HECW1: variants seen among roughly 807,000 people sequenced by gnomAD.
HECW1 encodes HECT, C2 and WW domain containing E3 ubiquitin protein ligase 1.
Under a neutral mutation model 182.3 loss-of-function variants are expected in HECW1, and 61 were observed. The ratio of observed to expected loss-of-function variants is 0.33; its 90% CI spans 0.27 to 0.41. The LOEUF (loss-of-function observed/expected upper bound fraction) is 0.41. Ranked by LOEUF, HECW1 falls within the 10% of genes least tolerant of loss-of-function variation. The pLI is 1.00. For synonymous variants in HECW1, 859 were observed against 832.6 expected (o/e 1.03, Z -0.55); for missense variants, 1,739 against 2,108.9 (o/e 0.82, Z 3.44).
chr7:43,276,018 A>G (rs1404512340), intron 3 of HECW1, among the ~76,000 whole-genome samples: 2 of 152,196 alleles, frequency 1.3e-5, no homozygotes, highest in African/African-American at 4.8e-5. Context: ...AGGTTTAAGG[A>G]ATAAGGAGGT....
At chr7:43,366,676 A>G (rs1346344691) in intron 6 of HECW1, among the ~76,000 whole-genome samples, 1 of 152,210 alleles carries the variant, frequency 6.6e-6, no homozygotes, top group African/African-American at 2.4e-5. Flanking sequence ...CCAGGTTCCA[A>G]TAAACATCAA....
intron 26 of HECW1, among the ~76,000 whole-genome samples, chr7:43,549,511 G>A (rs2081711792): frequency 6.6e-6 from 1 of 152,166 alleles, no homozygotes; most frequent in Non-Finnish European, 1.5e-5. Flanking sequence ...AATTTAAGAT[G>A]ACTGAAGATT....
intron 2 of HECW1, among the ~76,000 whole-genome samples, chr7:43,195,595 T>C (rs1314222834): frequency 6.6e-6 from 1 of 152,052 alleles, no homozygotes; most frequent in African/African-American, 2.4e-5. Context: ...TGGGCTGGGG[T>C]CGGTCCCCAA....
At chr7:43,351,185 G>A (rs1367213083) in intron 5 of HECW1, among the ~76,000 whole-genome samples, 1 of 152,144 alleles carries the variant, frequency 6.6e-6, no homozygotes, top group Non-Finnish European at 1.5e-5. Flanking sequence ...GCTGTTACTG[G>A]GGGTTATCTG....
Position 43,445,210 on chromosome 7 carries a change from C to A in HECW1, c.2038C>A (p.Pro680Thr), listed in dbSNP as rs1554419233. 6 of 1,613,434 alleles carry A rather than the reference C, an allele frequency of 3.7e-6. No individual in the cohort carries two copies. The highest frequency in any genetic ancestry group is 4.2e-6 in the Non-Finnish European group (5 of 1,179,906). Residue 680 changes from proline to threonine, a missense_variant, in exon 11 of 30, where the codon CCC becomes ACC. Physicochemically the swap from Pro to Thr is conservative, Grantham distance 38 (BLOSUM62 -1). Coordinates refer to ENST00000395891, the MANE Select transcript of HECW1 (RefSeq NM_015052.5). ...GGGCTGTGACGCGTCCTGCTGCAGC[C>A]CCTCGTGCTACAGCTCCTCGTGCTA... The part of the protein sequence containing the change: ...CEGCDASCCS[P>T]SCYSSSCYST...
chr7:43,196,445 G>A (rs764993981), intron 2 of HECW1, among the ~76,000 whole-genome samples: 5 of 152,114 alleles, frequency 3.3e-5, no homozygotes, highest in Admixed American at 6.5e-5. Context: ...CAATTGTTCC[G>A]TTTTGCATAA....
chr7:43,533,454 CT>C (rs2081066514), intron 24 of HECW1, among the ~76,000 whole-genome samples: 2 of 152,134 alleles, frequency 1.3e-5, no homozygotes, highest in Non-Finnish European at 2.9e-5. Context: ...AGAGTCATGG[CT>C]TGGGAAACAG....
intron 8 of HECW1, among the ~76,000 whole-genome samples, chr7:43,428,144 C>T (rs2076420878): frequency 6.6e-6 from 1 of 152,178 alleles, no homozygotes; most frequent in East Asian, 1.9e-4. Context: ...CAGTGCCAAC[C>T]CCACACCAGA....
Position 43,233,640 on chromosome 7 carries a change from C to T in HECW1, c.-31-10235C>T, listed in dbSNP as rs552652278. 3.3e-5 allele frequency among the ~76,000 whole-genome samples: 5 copies of T among 152,284 alleles called. No homozygotes were observed. The South Asian group carries it at 8.3e-4, about 25-fold the overall frequency. ...TTTTGTGGAAGCTAGAAATAGGGAT[C>T]GGTATATCTGACTCCACAACTGATT... On this transcript the variant is annotated intron_variant, in intron 2 of 29. Transcript: ENST00000395891.
intron 16 of HECW1, among the ~76,000 whole-genome samples, chr7:43,477,953 C>T (rs1337635405): frequency 6.6e-6 from 1 of 151,740 alleles, no homozygotes; most frequent in Non-Finnish European, 1.5e-5. Flanking sequence ...CCAAATGTTA[C>T]TGTTGGTTGA....
At chr7:43,118,424 G>A (rs1036106994) in intron 2 of HECW1, 2 of 152,586 alleles carry the variant, frequency 1.3e-5, no homozygotes. Context: ...TCTAGGTTAA[G>A]GGGGGAAAAG....
intron 3 of HECW1, among the ~76,000 whole-genome samples, chr7:43,306,978 T>C (rs544890882): frequency 1.3e-5 from 2 of 152,300 alleles, no homozygotes; most frequent in Admixed American, 1.3e-4. Flanking sequence ...AGCACATCAC[T>C]TAATTCAAAA....
chr7:43,135,457 G>T (rs954640717), intron 2 of HECW1, among the ~76,000 whole-genome samples: 20 of 152,168 alleles, frequency 1.3e-4, no homozygotes, highest in Non-Finnish European at 2.9e-4. Context: ...ACAGTCTGGG[G>T]TTCTTAGAAT....
At chr7:43,498,764 T>TCAGA (rs1413151604) in intron 19 of HECW1, among the ~76,000 whole-genome samples, 2 of 152,114 alleles carry the variant, frequency 1.3e-5, no homozygotes, top group Non-Finnish European at 2.9e-5. Context: ...TGAAGTTGGA[T>TCAGA]CAGAGTGCAT....
At chr7:43,325,909 A>G (rs1810713579) in intron 5 of HECW1, among the ~76,000 whole-genome samples, 1 of 152,006 alleles carries the variant, frequency 6.6e-6, no homozygotes, top group Admixed American at 6.6e-5. Flanking sequence ...CCTTTTTAGC[A>G]CCTCATTTTA....
intron 2 of HECW1, among the ~76,000 whole-genome samples, chr7:43,222,217 A>G (rs1432618049): frequency 6.6e-6 from 1 of 152,222 alleles, no homozygotes; most frequent in East Asian, 1.9e-4. Flanking sequence ...TAAGCATTGC[A>G]AATCACAAGG....
At chr7:43,364,549 G>A (rs1247107263) in intron 6 of HECW1, among the ~76,000 whole-genome samples, 1 of 152,258 alleles carries the variant, frequency 6.6e-6, no homozygotes, top group Non-Finnish European at 1.5e-5. Flanking sequence ...TGCAGCAGCT[G>A]TGCTGGCTGC....
intron 6 of HECW1, among the ~76,000 whole-genome samples, chr7:43,375,720 C>G (rs2074294651): frequency 6.6e-6 from 1 of 151,802 alleles, no homozygotes; most frequent in Non-Finnish European, 1.5e-5. Flanking sequence ...TGGCAAAACC[C>G]TGTCTCTACA....
At chr7:43,425,304 T>TGGTAGATAGATA (rs2076325033) in intron 8 of HECW1, among the ~76,000 whole-genome samples, 1 of 148,246 alleles carries the variant, frequency 6.7e-6, no homozygotes. Flanking sequence ...GATAGATAGA[T>TGGTAGATAGATA]GATAGATAGA....
Sources: allele counts gnomAD v4.1 joint callset (sites outside exome capture counted in the v4.1 genomes callset), GRCh38; gene constraint gnomAD v4.1.1; transcripts MANE v1.5; gene names NCBI Gene and HGNC (gene_info 2026-07-23, HGNC 2026-07-21).